The following ARB2A variants were observed in gnomAD, a reference collection of about 807,000 sequenced individuals.
ARB2A encodes ARB2 cotranscriptional regulator A.
chr5:93,978,656 AAACT>A, the ARB2A span, among the ~76,000 whole-genome samples: 1 of 152,076 alleles, frequency 6.6e-6, no homozygotes, highest in Non-Finnish European at 1.5e-5. Context: ...AAGGGTTGAA[AAACT>A]AACTATCAGG....
At chr5:93,691,695 C>T in the ARB2A span, among the ~76,000 whole-genome samples, 3 of 151,832 alleles carry the variant, frequency 2.0e-5, no homozygotes, top group Non-Finnish European at 4.4e-5. Flanking sequence ...AGATACTCCT[C>T]GAGAAGAGCA....
At chr5:93,755,325 T>C in the ARB2A span, among the ~76,000 whole-genome samples, 11 of 152,352 alleles carry the variant, frequency 7.2e-5, no homozygotes, top group South Asian at 2.1e-4. Flanking sequence ...TGGCCAATTT[T>C]ACAAGTAGAA....
chr5:93,827,469 G>A, the ARB2A span, among the ~76,000 whole-genome samples: 26 of 151,880 alleles, frequency 1.7e-4, no homozygotes, highest in Non-Finnish European at 3.2e-4. Context: ...TAAATTTGTT[G>A]GAGTTCATTG....
chr5:93,760,618 C>A, the ARB2A span, among the ~76,000 whole-genome samples: 1 of 152,172 alleles, frequency 6.6e-6, no homozygotes, highest in African/African-American at 2.4e-5. Flanking sequence ...GCCAACTGAT[C>A]TTTGACAAAG....
chr5:93,971,887 G>A, the ARB2A span, among the ~76,000 whole-genome samples: 429 of 152,244 alleles, frequency 2.8e-3, no homozygotes, highest in African/African-American at 8.0e-3. Context: ...GTCTGCCACC[G>A]AAGGAGTAGG....
the ARB2A span, among the ~76,000 whole-genome samples, chr5:93,969,776 T>C: frequency 1.2e-4 from 19 of 152,236 alleles, no homozygotes; most frequent in African/African-American, 4.6e-4. Context: ...ATGTTCCTCA[T>C]TCATCTCAGC....
At chr5:93,634,656 C>G in the ARB2A span, among the ~76,000 whole-genome samples, 1 of 152,150 alleles carries the variant, frequency 6.6e-6, no homozygotes, top group East Asian at 1.9e-4. Flanking sequence ...TGAGAACTCA[C>G]AGAAAGTCAA....
chr5:94,016,313 T>C, the ARB2A span, among the ~76,000 whole-genome samples: 1 of 152,234 alleles, frequency 6.6e-6, no homozygotes, highest in African/African-American at 2.4e-5. Flanking sequence ...ATTGGCTTCC[T>C]TAACTAAAGT....
chr5:93,781,128 A>G, the ARB2A span, among the ~76,000 whole-genome samples: 5 of 152,286 alleles, frequency 3.3e-5, no homozygotes, highest in East Asian at 1.9e-4. Context: ...AATAGTGTAC[A>G]TCGTACTCAA....
chr5:93,969,026 T>C, the ARB2A span, among the ~76,000 whole-genome samples: 72 of 150,048 alleles, frequency 4.8e-4, no homozygotes, highest in Non-Finnish European at 8.9e-4. Flanking sequence ...TTCTTTTTTT[T>C]TTTTTTTTTT....
At chr5:93,737,475 G>A in the ARB2A span, 1 of 152,034 alleles carries the variant, frequency 6.6e-6, no homozygotes, top group Non-Finnish European at 1.5e-5. Context: ...ACAATGGTGT[G>A]TGTGTGTATA....
chr5:94,053,527 TAA>T, the ARB2A span, among the ~76,000 whole-genome samples: 1 of 152,188 alleles, frequency 6.6e-6, no homozygotes, highest in Admixed American at 6.5e-5. Context: ...TAACCTCATT[TAA>T]AAGTTTCAGA....
the ARB2A span, among the ~76,000 whole-genome samples, chr5:93,818,410 CAT>C: frequency 6.6e-6 from 1 of 152,068 alleles, no homozygotes; most frequent in Non-Finnish European, 1.5e-5. Context: ...GCATGTAAGT[CAT>C]ATTTCAATAA....
the ARB2A span, among the ~76,000 whole-genome samples, chr5:94,004,033 C>G: frequency 6.6e-6 from 1 of 152,250 alleles, no homozygotes; most frequent in South Asian, 2.1e-4. Context: ...GAAGCAGACA[C>G]ACATACATAT....
chr5:94,059,062 G>A, the ARB2A span, among the ~76,000 whole-genome samples: 25 of 151,764 alleles, frequency 1.6e-4, no homozygotes, highest in Admixed American at 1.5e-3. Context: ...TATGCTTCAG[G>A]TACAGTCTGC....
the ARB2A span, among the ~76,000 whole-genome samples, chr5:93,956,330 A>G: frequency 6.6e-6 from 1 of 152,208 alleles, no homozygotes; most frequent in Admixed American, 6.5e-5. Flanking sequence ...AAGTGGCTTC[A>G]CATATTTAAA....
the ARB2A span, among the ~76,000 whole-genome samples, chr5:93,694,619 T>C: frequency 6.6e-6 from 1 of 152,226 alleles, no homozygotes; most frequent in Non-Finnish European, 1.5e-5. Flanking sequence ...CTGCCCAAAG[T>C]AATTTATAGA....
chr5:93,646,093 A>T, the ARB2A span, among the ~76,000 whole-genome samples: 5 of 152,192 alleles, frequency 3.3e-5, no homozygotes, highest in African/African-American at 1.2e-4. Context: ...ATTTAGTAAG[A>T]CAAATAAGAT....
the ARB2A span, among the ~76,000 whole-genome samples, chr5:94,085,039 A>T: frequency 6.6e-6 from 1 of 152,208 alleles, no homozygotes; most frequent in Non-Finnish European, 1.5e-5. Context: ...AAAAGAATGC[A>T]GAATAATACA....
Sources: allele counts gnomAD v4.1 joint callset (sites outside exome capture counted in the v4.1 genomes callset), GRCh38; gene constraint gnomAD v4.1.1; transcripts MANE v1.5; gene names NCBI Gene and HGNC (gene_info 2026-07-23, HGNC 2026-07-21).